USH2A: variants seen among roughly 807,000 people sequenced by gnomAD.
USH2A encodes Usher syndrome 2A (autosomal recessive, mild).
In USH2A, 443 loss-of-function variants were observed where a neutral mutation model predicts 538.9. The observed-to-expected ratio is 0.82, with a 90% CI of 0.76 to 0.89. The LOEUF is 0.89. Among genes scored for constraint, USH2A ranks in the 40% least tolerant of loss-of-function variants. USH2A has a pLI of 0.00. For synonymous variants in USH2A, 2,413 were observed against 2,273.5 expected (o/e 1.06, Z -1.75); for missense variants, 6,633 against 6,324.8 (o/e 1.05, Z -1.65).
chr1:216,128,574 C>T (rs932743964), intron 21 of USH2A, among the ~76,000 whole-genome samples: 2 of 152,014 alleles, frequency 1.3e-5, no homozygotes, highest in African/African-American at 2.4e-5. Flanking sequence ...TTCTTTTTCT[C>T]GTCAAGTTAA....
chr1:215,903,357 G>C (rs1303960933), intron 38 of USH2A, among the ~76,000 whole-genome samples: 1 of 152,096 alleles, frequency 6.6e-6, no homozygotes, highest in Non-Finnish European at 1.5e-5. Flanking sequence ...ACAACACTTA[G>C]AGGGAATTTA....
At position 215,623,199 on chromosome 1, in the gene USH2A, C is replaced by G. The variant is rs1262042021; in HGVS notation, c.*2582G>C. 1.3e-5 allele frequency: 2 copies of G among 151,966 alleles called. No individual in the cohort carries two copies. The highest frequency in any genetic ancestry group is 4.8e-5 in the African/African-American group (2 of 41,382). 9.4% of individuals were successfully genotyped at this position (151,966 alleles called of 1,614,324 possible). On this transcript the variant is annotated 3_prime_UTR_variant, in exon 72 of 72. Coordinates refer to ENST00000307340, the MANE Select transcript of USH2A (RefSeq NM_206933.4). ...ACCAAACAGTTGATATTAAGAATAA[C>G]AAAACATGGTAGTTCGTAAGCTGAG...
intron 21 of USH2A, among the ~76,000 whole-genome samples, chr1:216,158,933 A>G (rs2034001268): frequency 6.6e-6 from 1 of 152,158 alleles, no homozygotes; most frequent in African/African-American, 2.4e-5. Context: ...ACCTTTTAGC[A>G]GACTTGTTTC....
At chr1:216,147,866 C>T (rs58504437) in intron 21 of USH2A, among the ~76,000 whole-genome samples, 9 of 150,728 alleles carry the variant, frequency 6.0e-5, no homozygotes, top group African/African-American at 1.5e-4. Context: ...GCCCGCAGCC[C>T]GGGATTCCTC....
chr1:215,803,201 C>T (rs1192750372), intron 49 of USH2A, among the ~76,000 whole-genome samples: 5 of 152,144 alleles, frequency 3.3e-5, no homozygotes, highest in Non-Finnish European at 5.9e-5. Flanking sequence ...AAACTGGAAG[C>T]ATTCCCTTTG....
chr1:216,022,591 A>T (rs949143699), intron 32 of USH2A, among the ~76,000 whole-genome samples: 2 of 152,190 alleles, frequency 1.3e-5, no homozygotes, highest in Non-Finnish European at 2.9e-5. Flanking sequence ...AAATCTACTC[A>T]GTATTCTTTT....
intron 62 of USH2A, among the ~76,000 whole-genome samples, chr1:215,677,209 G>A (rs1231647618): frequency 1.3e-5 from 2 of 152,068 alleles, no homozygotes; most frequent in Non-Finnish European, 2.9e-5. Flanking sequence ...TGCTATGAAT[G>A]AAATATCTCT....
chr1:216,369,208 C>T (rs1184214562), intron 3 of USH2A, among the ~76,000 whole-genome samples: 1 of 152,044 alleles, frequency 6.6e-6, no homozygotes, highest in South Asian at 2.1e-4. Context: ...TCCACTATTC[C>T]ATCCATAATT....
At chr1:215,718,719 T>C (rs1659565441) in intron 61 of USH2A, among the ~76,000 whole-genome samples, 1 of 121,506 alleles carries the variant, frequency 8.2e-6, no homozygotes, top group East Asian at 2.2e-4. Context: ...AAGGATATGA[T>C]CTCTTGGCTG....
intron 64 of USH2A, among the ~76,000 whole-genome samples, chr1:215,659,437 G>A (rs1285736984): frequency 6.6e-6 from 1 of 152,158 alleles, no homozygotes; most frequent in East Asian, 1.9e-4. Context: ...AACTAGAGAG[G>A]AGTTTGCATC....
At chr1:216,057,351 G>C (rs1334645267) in intron 30 of USH2A, among the ~76,000 whole-genome samples, 1 of 151,944 alleles carries the variant, frequency 6.6e-6, no homozygotes. Context: ...AATTTTTTCA[G>C]ACCAGTTTCT....
chr1:215,832,717 G>A lies in USH2A; in HGVS notation c.9371+5274C>T, dbSNP rs77220420. Among the ~76,000 whole-genome samples the A allele has an allele frequency of 5.1e-3, 772 of 151,874 alleles. 7 individuals carry two copies. Among genetic ancestry groups the A allele is most frequent in the African/African-American group, 0.018 (731 of 41,498 alleles). ...CAAGTCAAGGATATGCTCTTATCAC[G>A]TTATTAAACTATCCAGTGCAATAAG... On this transcript the variant is annotated intron_variant, in intron 47 of 71. Transcript: ENST00000307340.
At chr1:216,100,677 G>T (rs904554808) in intron 21 of USH2A, among the ~76,000 whole-genome samples, 1 of 152,082 alleles carries the variant, frequency 6.6e-6, no homozygotes. Context: ...ACAAGGAATT[G>T]GGTGTTGGAA....
chr1:216,339,828 T>C (rs1391014043), intron 4 of USH2A, among the ~76,000 whole-genome samples: 1 of 151,372 alleles, frequency 6.6e-6, no homozygotes, highest in Non-Finnish European at 1.5e-5. Flanking sequence ...GGAACACAGC[T>C]AAGGCAGTGT....
intron 21 of USH2A, among the ~76,000 whole-genome samples, chr1:216,147,307 T>G (rs866123947): frequency 9.9e-5 from 15 of 151,948 alleles, no homozygotes; most frequent in African/African-American, 1.5e-4. Context: ...TCACCTCCCC[T>G]CCTCACACCT....
chr1:216,079,625 G>C (rs2031867240), intron 26 of USH2A, among the ~76,000 whole-genome samples: 1 of 152,072 alleles, frequency 6.6e-6, no homozygotes, highest in Non-Finnish European at 1.5e-5. Context: ...AGTGATAGGA[G>C]GGTCTGGTAT....
At chr1:216,010,596 C>T (rs553510373) in intron 32 of USH2A, among the ~76,000 whole-genome samples, 24 of 152,018 alleles carry the variant, frequency 1.6e-4, no homozygotes, top group African/African-American at 2.9e-4. Flanking sequence ...CACTCCACAT[C>T]ACCTTCTTTT....
At chr1:215,660,671 A>C (rs1657411596) in intron 64 of USH2A, among the ~76,000 whole-genome samples, 1 of 152,246 alleles carries the variant, frequency 6.6e-6, no homozygotes, top group South Asian at 2.1e-4. Flanking sequence ...AATTTCTCAA[A>C]AAGTCCTCAA....
At chr1:216,244,186 C>T (rs572734834) in intron 13 of USH2A, among the ~76,000 whole-genome samples, 1 of 152,078 alleles carries the variant, frequency 6.6e-6, no homozygotes, top group Admixed American at 6.5e-5. Flanking sequence ...CATTCCATGT[C>T]GGGAAAGGAG....
Sources: gnomAD v4.1 joint callset for allele counts (sites outside exome capture counted in the v4.1 genomes callset) on GRCh38, gnomAD v4.1.1 for gene constraint, MANE v1.5 for transcripts, NCBI Gene and HGNC (gene_info 2026-07-23, HGNC 2026-07-21) for gene names.